Variants in FAT3 observed in about 807,000 individuals in gnomAD.
The protein encoded by FAT3 is FAT atypical cadherin 3, also known as protocadherin Fat 3.
A neutral mutation model predicts 310.2 loss-of-function variants in FAT3; 95 were observed. The observed-to-expected ratio is 0.31, with a 90% confidence interval of 0.26 to 0.36. FAT3 has a LOEUF of 0.36. Among genes scored for constraint, FAT3 ranks in the 10% least tolerant of loss-of-function variants. The probability of loss-of-function intolerance (pLI) is 1.00; values close to 1 mark genes in which losing one functional copy is unlikely to be tolerated. For synonymous variants in FAT3, 2,314 were observed against 2,192.9 expected (o/e 1.06, Z -1.54); for missense variants, 5,408 against 5,715.6 (o/e 0.95, Z 1.74).
intron 19 of FAT3, among the ~76,000 whole-genome samples, chr11:92,845,229 G>A (rs181107541): frequency 6.6e-6 from 1 of 152,364 alleles, no homozygotes; most frequent in Admixed American, 6.5e-5. Flanking sequence ...TCACACAAGG[G>A]CCATTAGCCA....
chr11:92,352,914 G>T lies in FAT3; in HGVS notation c.802G>T (p.Val268Leu). The T allele has an allele frequency of 6.2e-7, 1 of 1,613,916 alleles. No homozygotes were observed. Among genetic ancestry groups the T allele is most frequent in the Non-Finnish European group, 8.5e-7 (1 of 1,179,866 alleles). The change falls in exon 2 of 28, where the codon GTA becomes TTA. Residue 268 changes from valine (V) to leucine (L), a missense_variant. This residue lies in a region of FAT3 where 4,588 missense variants were observed against 4,809.8 expected (regional missense o/e 0.95). Transcript: ENST00000525166. ...AAATGAACATGCCCCAACAATCCAT[G>T]TAGTCACTCATGTTCCTTTCTCGTT... ...RINEHAPTIH[V>L]VTHVPFSLEK... is the part of the protein sequence containing the mutation.
intron 1 of FAT3, among the ~76,000 whole-genome samples, chr11:92,328,179 G>C (rs148908786): frequency 2.7e-4 from 41 of 152,108 alleles, no homozygotes; most frequent in Non-Finnish European, 4.6e-4. Context: ...ACCCACTCTT[G>C]CCCTCCTGCT....
intron 3 of FAT3, among the ~76,000 whole-genome samples, chr11:92,558,337 G>A (rs570583): frequency 0.54 from 82,620 of 151,772 alleles, 23,148 homozygotes; most frequent in East Asian, 0.78. Context: ...TACTTTTCAA[G>A]TGGTCTCAGA....
chr11:92,815,956 C>T (rs1210810754), intron 13 of FAT3, among the ~76,000 whole-genome samples: 2 of 152,170 alleles, frequency 1.3e-5, no homozygotes, highest in Admixed American at 6.5e-5. Flanking sequence ...GTAATAAAGT[C>T]ACATCTGTAA....
At chr11:92,865,646 C>T (rs1591829402) in intron 21 of FAT3, among the ~76,000 whole-genome samples, 1 of 152,330 alleles carries the variant, frequency 6.6e-6, no homozygotes, top group East Asian at 1.9e-4. Context: ...GACAAGGGTG[C>T]AGCCCTCATT....
chr11:92,422,971 A>G (rs1950561615), intron 2 of FAT3, among the ~76,000 whole-genome samples: 1 of 151,984 alleles, frequency 6.6e-6, no homozygotes, highest in African/African-American at 2.4e-5. Context: ...CCCCTTCTCT[A>G]TGTCTGTCAC....
chr11:92,467,957 G>C (rs1414299297), intron 2 of FAT3, among the ~76,000 whole-genome samples: 2 of 152,172 alleles, frequency 1.3e-5, no homozygotes, highest in Non-Finnish European at 2.9e-5. Flanking sequence ...AATTGGGAGT[G>C]AGCATATGAC....
chr11:92,563,405 T>C (rs1043393860), intron 3 of FAT3, among the ~76,000 whole-genome samples: 2 of 152,142 alleles, frequency 1.3e-5, no homozygotes, highest in African/African-American at 4.8e-5. Context: ...CCCCCAATAT[T>C]TTGTGATTGA....
chr11:92,844,148 G>A lies in FAT3; in HGVS notation c.10781G>A (p.Ser3594Asn). ...TTTGCCCTGAAATCGGAGCAGAAAAGCTTATTTAAAGTGAACAGTCACGAT... is the reference window on the plus strand; with the variant it reads ...TTTGCCCTGAAATCGGAGCAGAAAAACTTATTTAAAGTGAACAGTCACGAT... ...LTFALKSEQK[S>N]LFKVNSHDGK... Residue 3594 changes from serine (S) to asparagine (N), a missense_variant, in exon 19 of 28, where the codon AGC becomes AAC. By Grantham distance (46) the Ser-to-Asn change is conservative. Around this residue, in one of 5 missense-constraint regions of FAT3, gnomAD observed 4,588 missense variants for 4,809.8 expected, o/e 0.95. Transcript: ENST00000525166. 1 of 1,614,014 alleles carries A rather than the reference G, an allele frequency of 6.2e-7. No homozygotes were observed. Among genetic ancestry groups the A allele is most frequent in the Non-Finnish European group, 8.5e-7 (1 of 1,179,898 alleles).
intron 3 of FAT3, among the ~76,000 whole-genome samples, chr11:92,560,768 G>GA (rs1332107285): frequency 2.6e-5 from 4 of 152,126 alleles, no homozygotes; most frequent in African/African-American, 9.7e-5. Flanking sequence ...TGTAGGTGCT[G>GA]GCAGATCTCT....
intron 4 of FAT3, among the ~76,000 whole-genome samples, chr11:92,716,668 G>T (rs1196611214): frequency 1.3e-5 from 2 of 152,134 alleles, no homozygotes; most frequent in Non-Finnish European, 2.9e-5. Context: ...CTTTTTACTT[G>T]CATGTGTACT....
intron 4 of FAT3, among the ~76,000 whole-genome samples, chr11:92,717,009 T>C (rs1944710806): frequency 6.6e-6 from 1 of 152,190 alleles, no homozygotes; most frequent in Non-Finnish European, 1.5e-5. Context: ...GAGCAAATTC[T>C]TACTCTGTGA....
In FAT3 at chr11:92,677,044, C is replaced by T. The variant is rs767436138; in HGVS notation, c.3608-20340C>T. 3.9e-5 allele frequency among the ~76,000 whole-genome samples: 6 copies of T among 152,258 alleles called. No individual in the cohort carries two copies. In the South Asian group the frequency reaches 6.2e-4, roughly 16 times the overall value. ...TGGATGATGGTAAATGGATGAGCTA[C>T]GTGGTTAAACTAGGTTATTATTATC... On this transcript the variant is annotated intron_variant, in intron 3 of 27. Coordinates refer to ENST00000525166, the MANE Select transcript of FAT3 (RefSeq NM_001367949.2).
chr11:92,477,012 T>A (rs780846397), intron 2 of FAT3, among the ~76,000 whole-genome samples: 28 of 152,198 alleles, frequency 1.8e-4, no homozygotes, highest in Non-Finnish European at 3.2e-4. Flanking sequence ...AAAACATAAA[T>A]AGTGTCTTTT....
chr11:92,655,743 A>T (rs1348079921), intron 3 of FAT3, among the ~76,000 whole-genome samples: 1 of 151,992 alleles, frequency 6.6e-6, no homozygotes, highest in Non-Finnish European at 1.5e-5. Context: ...GCCTGTATTC[A>T]GCTATTCAAC....
intron 13 of FAT3, among the ~76,000 whole-genome samples, chr11:92,823,021 C>T (rs1948010612): frequency 6.6e-6 from 1 of 152,174 alleles, no homozygotes; most frequent in South Asian, 2.1e-4. Flanking sequence ...AGAAACTTCC[C>T]TTGACCACCC....
chr11:92,562,913 T>C (rs1399820911), intron 3 of FAT3, among the ~76,000 whole-genome samples: 2 of 152,186 alleles, frequency 1.3e-5, no homozygotes, highest in Admixed American at 1.3e-4. Context: ...GCTAATCTCT[T>C]CTAGAAACAC....
intron 13 of FAT3, among the ~76,000 whole-genome samples, chr11:92,811,620 T>C (rs1947675348): frequency 6.6e-6 from 1 of 152,138 alleles, no homozygotes; most frequent in Non-Finnish European, 1.5e-5. Context: ...ATGTCTAGAT[T>C]CTAGGCATTT....
intron 2 of FAT3, among the ~76,000 whole-genome samples, chr11:92,422,609 C>A (rs540956321): frequency 3.9e-5 from 6 of 152,132 alleles, no homozygotes; most frequent in Admixed American, 3.3e-4. Context: ...GAGTGCTTGA[C>A]CAGAGGCTGA....
Sources: allele counts gnomAD v4.1 joint callset (sites outside exome capture counted in the v4.1 genomes callset), GRCh38; gene constraint gnomAD v4.1.1; regional missense constraint gnomAD v4.1.1; transcripts MANE v1.5; gene names NCBI Gene and HGNC (gene_info 2026-07-23, HGNC 2026-07-21).